The following PIGF variants were observed in gnomAD, a reference collection of about 807,000 sequenced individuals.
PIGF encodes GPI ethanolamine phosphate transferase, stabilizing subunit.
A neutral mutation model predicts 26.0 loss-of-function variants in PIGF; 23 were observed. The observed-to-expected ratio is 0.88, with a 90% CI of 0.64 to 1.25. The LOEUF is 1.25. Among genes scored for constraint, PIGF ranks in the 50% most tolerant of loss-of-function variants. PIGF has a pLI of 0.00. For synonymous variants in PIGF, 93 were observed against 92.6 expected (o/e 1.00, Z -0.03); for missense variants, 278 against 249.9 (o/e 1.11, Z -0.76).
intron 3 of PIGF, 83 bp downstream of exon 3, chr2:46,613,611 T>C (rs904930415): frequency 2.1e-6 from 2 of 968,796 alleles, no homozygotes; most frequent in Admixed American, 3.3e-5. Flanking sequence ...ATCATGGTTT[T>C]TCTCTAGTTG....
At chr2:46,603,201 G>GA (rs1670113491) in intron 4 of PIGF, among the ~76,000 whole-genome samples, 1 of 151,914 alleles carries the variant, frequency 6.6e-6, no homozygotes, top group Non-Finnish European at 1.5e-5. Flanking sequence ...ACTGATGAAA[G>GA]AAATTGAAGA....
chr2:46,612,130 A>C, intron 4 of PIGF, 98 bp downstream of exon 4: 1 of 414,604 alleles, frequency 2.4e-6, no homozygotes, highest in Non-Finnish European at 4.3e-6. Context: ...CAGCAATGAG[A>C]AGCACTCAGA....
chr2:46,587,771 A>C (rs1669622642), intron 5 of PIGF, among the ~76,000 whole-genome samples: 3 of 152,206 alleles, frequency 2.0e-5, no homozygotes. Flanking sequence ...TTCTCCTACA[A>C]ATAAATTACG....
chr2:46,594,775 C>A (rs1669829631), intron 4 of PIGF, among the ~76,000 whole-genome samples: 2 of 150,628 alleles, frequency 1.3e-5, no homozygotes, highest in South Asian at 2.1e-4. Context: ...ACCTTGTGAT[C>A]CGCCGGCCTC....
chr2:46,616,370 G>C (rs569177523), intron 1 of PIGF: 1 of 152,530 alleles, frequency 6.6e-6, no homozygotes, highest in South Asian at 2.1e-4. Context: ...TCAACAGATA[G>C]CCCTTCAGCG....
chr2:46,591,707 C>T (rs1572770232), intron 5 of PIGF: 1 of 1,093,336 alleles, frequency 9.1e-7, no homozygotes, highest in Non-Finnish European at 1.1e-6. Flanking sequence ...GATAAAGATA[C>T]AGTCATCACT....
intron 5 of PIGF, chr2:46,582,535 T>C (rs1311925381): frequency 2.0e-5 from 3 of 152,324 alleles, no homozygotes; most frequent in Non-Finnish European, 2.9e-5. Flanking sequence ...CAAAGCTTCA[T>C]TGTGAACAAC....
intron 5 of PIGF, among the ~76,000 whole-genome samples, chr2:46,587,801 C>T (rs1275462547): frequency 1.3e-5 from 2 of 152,078 alleles, no homozygotes; most frequent in Admixed American, 1.3e-4. Flanking sequence ...ACAGACACCA[C>T]CACAACGGTC....
chr2:46,612,347 A>AC lies in PIGF; in HGVS notation c.321-4_321-3insG. On this transcript the variant is annotated splice_polypyrimidine_tract_variant and splice_region_variant and intron_variant, in intron 3 of 5. Transcript: ENST00000281382. ...ATAAAAATGTTTCCAATGCCAACCT[A>AC]GAAAAAAAAAAAGATTACTTTTTAA... 1 of 1,133,922 alleles carries AC rather than the reference A, an allele frequency of 8.8e-7. No individual in the cohort carries two copies. Among genetic ancestry groups the AC allele is most frequent in the East Asian group, 2.6e-5 (1 of 38,456 alleles). The allele number at this position is 1,133,922 out of a possible 1,614,324, so 70.2% of individuals were successfully genotyped here. A position where few individuals can be genotyped will look rare whatever the true frequency, so the allele number is the denominator to read the frequency against.
intron 4 of PIGF, among the ~76,000 whole-genome samples, chr2:46,608,609 T>C (rs1044639820): frequency 2.6e-5 from 4 of 152,236 alleles, no homozygotes; most frequent in Non-Finnish European, 4.4e-5. Context: ...AAAATGTGTT[T>C]CTTAAGTAAT....
intron 4 of PIGF, among the ~76,000 whole-genome samples, chr2:46,603,138 T>C (rs951131247): frequency 3.3e-5 from 5 of 151,808 alleles, no homozygotes; most frequent in African/African-American, 1.2e-4. Flanking sequence ...TAAATATCTA[T>C]GAATTAACTT....
intron 4 of PIGF, among the ~76,000 whole-genome samples, chr2:46,601,043 A>T (rs1164809534): frequency 6.6e-6 from 1 of 152,018 alleles, no homozygotes; most frequent in African/African-American, 2.4e-5. Flanking sequence ...ACAAACATTT[A>T]TATACATTAT....
intron 4 of PIGF, among the ~76,000 whole-genome samples, chr2:46,596,638 G>A (rs1669893709): frequency 6.6e-6 from 1 of 150,840 alleles, no homozygotes; most frequent in Non-Finnish European, 1.5e-5. Context: ...AACTCTTTTT[G>A]CTGCTTCTTC....
At position 46,594,840 on chromosome 2, in the gene PIGF, G is replaced by GTT. The variant is rs70940629; in HGVS notation, c.438-2259_438-2258dup. On this transcript the variant is annotated intron_variant, in intron 4 of 5. Coordinates refer to ENST00000281382, the MANE Select transcript of PIGF (RefSeq NM_002643.4). Reference sequence around the variant, plus strand: ...TGAGCCACTGCGCCCGGCCCTCACCGTTTTTTTTTTTGTTTGTTTTTGTTT... The same window carrying GTT: ...TGAGCCACTGCGCCCGGCCCTCACCGTTTTTTTTTTTTTGTTTGTTTTTGTTT... 3.3e-3 allele frequency among the ~76,000 whole-genome samples: 470 copies of GTT among 143,974 alleles called. 1 individual carries two copies. Among genetic ancestry groups the GTT allele is most frequent in the African/African-American group, 5.8e-3 (226 of 38,874 alleles). 94.5% of individuals were successfully genotyped at this position (143,974 alleles called of 152,430 possible). A position where few individuals can be genotyped will look rare whatever the true frequency, so the allele number is the denominator to read the frequency against.
At chr2:46,598,236 G>T (rs1382463994) in intron 4 of PIGF, among the ~76,000 whole-genome samples, 1 of 151,550 alleles carries the variant, frequency 6.6e-6, no homozygotes, top group African/African-American at 2.4e-5. Context: ...AAAAAAGTAA[G>T]TTTTTAAGTT....
chr2:46,611,973 T>A (rs1217361301), intron 4 of PIGF, among the ~76,000 whole-genome samples: 1 of 146,760 alleles, frequency 6.8e-6, no homozygotes, highest in Non-Finnish European at 1.5e-5. Flanking sequence ...TTTTTTTTTT[T>A]AAACAAACAA....
intron 5 of PIGF, among the ~76,000 whole-genome samples, chr2:46,592,250 C>T (rs1382087268): frequency 6.6e-6 from 1 of 152,240 alleles, no homozygotes; most frequent in Admixed American, 6.5e-5. Context: ...TTCATCTACA[C>T]ATGTGCAAAA....
intron 4 of PIGF, among the ~76,000 whole-genome samples, chr2:46,601,797 T>C (rs1187601488): frequency 6.6e-6 from 1 of 151,978 alleles, no homozygotes; most frequent in Non-Finnish European, 1.5e-5. Flanking sequence ...CCTATTATCT[T>C]TGTCTACACA....
chr2:46,583,084 G>A (rs762720603), intron 5 of PIGF: 1 of 151,984 alleles, frequency 6.6e-6, no homozygotes, highest in Non-Finnish European at 1.5e-5. Context: ...TGGTATAAAC[G>A]AATTACAACA....
Sources: allele counts gnomAD v4.1 joint callset (sites outside exome capture counted in the v4.1 genomes callset), GRCh38; gene constraint gnomAD v4.1.1; transcripts MANE v1.5; gene names NCBI Gene and HGNC (gene_info 2026-07-23, HGNC 2026-07-21).